HOMER2: variants seen among roughly 807,000 people sequenced by gnomAD.
HOMER2 encodes the protein homer scaffold protein 2.
A neutral mutation model predicts 47.0 loss-of-function variants in HOMER2; 27 were observed. The ratio of observed to expected loss-of-function variants is 0.57; its 90% CI spans 0.42 to 0.79. The LOEUF (loss-of-function observed/expected upper bound fraction) is 0.79, where lower values mean the gene tolerates loss of function less well. Among genes scored for constraint, HOMER2 ranks in the 30% least tolerant of loss-of-function variants. The pLI is 0.00. For synonymous variants in HOMER2, 161 were observed against 163.8 expected, an observed-to-expected ratio of 0.98 and a Z score of 0.13; for missense variants, 443 against 435.0, an observed-to-expected ratio of 1.02 and a Z score of -0.16.
chr15:82,872,363 C>A (rs1318035296), intron 3 of HOMER2, among the ~76,000 whole-genome samples: 1 of 152,120 alleles, frequency 6.6e-6, no homozygotes, highest in African/African-American at 2.4e-5. Context: ...ATCTCTTCTT[C>A]CTCTTCTATT....
downstream of HOMER2, chr15:82,845,138 A>G (rs1279565823): frequency 6.6e-6 from 1 of 152,140 alleles, no homozygotes. Flanking sequence ...AATAGAAAAT[A>G]AAGTCTCCTC....
At chr15:82,859,286 A>G in intron 4 of HOMER2, 151 bp from the exon 5 acceptor site, 3 of 1,043,352 alleles carry the variant, frequency 2.9e-6, no homozygotes, top group Non-Finnish European at 4.2e-6. Flanking sequence ...AGAATGCAGC[A>G]AAGACTAACA....
At position 82,849,448 on chromosome 15, in the gene HOMER2, C is replaced by A; in HGVS notation, c.*267G>T. ...GCCCTTATGAAAGATATAAACATCC[C>A]TGCCCTGACTGCATAAATGTTGAAG... On this transcript the variant is annotated 3_prime_UTR_variant, in exon 9 of 9. Transcript: ENST00000450735. 1 of 493,976 alleles carries A rather than the reference C, an allele frequency of 2.0e-6. No homozygotes were observed. Among genetic ancestry groups the A allele is most frequent in the Non-Finnish European group, 3.6e-6 (1 of 277,526 alleles). The allele number at this position is 493,976 out of a possible 1,614,324, so 30.6% of individuals were successfully genotyped here.
At chr15:82,931,351 A>C (rs1051828336) in intron 1 of HOMER2, among the ~76,000 whole-genome samples, 1 of 152,166 alleles carries the variant, frequency 6.6e-6, no homozygotes, top group Non-Finnish European at 1.5e-5. Context: ...TAATTATTTA[A>C]GGCATGAGGC....
chr15:82,928,940 T>TAAAAAAAAAAAGAAAAAAA (rs2053926504), intron 1 of HOMER2, among the ~76,000 whole-genome samples: 1 of 39,942 alleles, frequency 2.5e-5, no homozygotes, highest in Non-Finnish European at 4.0e-5. Context: ...AAATAAAAAC[T>TAAAAAAAAAAAGAAAAAAA]AAAAAAAAAA....
intron 1 of HOMER2, among the ~76,000 whole-genome samples, chr15:82,959,539 TG>T (rs1427150026): frequency 6.6e-6 from 1 of 152,094 alleles, no homozygotes. Context: ...GCATAGATGG[TG>T]GAAGTATACG....
chr15:82,961,390 G>C (rs957222950), intron 1 of HOMER2, among the ~76,000 whole-genome samples: 2 of 152,216 alleles, frequency 1.3e-5, no homozygotes, highest in African/African-American at 4.8e-5. Flanking sequence ...TTAGAAATTT[G>C]CTTTCAATTA....
intron 4 of HOMER2, 107 bp from the exon 5 acceptor site, chr15:82,859,242 C>A: frequency 6.4e-7 from 1 of 1,552,938 alleles, no homozygotes; most frequent in South Asian, 1.2e-5. Context: ...TAATAAGAAA[C>A]TTTACGAGTG....
chr15:82,872,199 A>G (rs1391765525), intron 3 of HOMER2, among the ~76,000 whole-genome samples: 4 of 152,196 alleles, frequency 2.6e-5, no homozygotes, highest in Middle Eastern at 3.4e-3. Context: ...ACCCCCTCAG[A>G]CAGAGGTTCC....
chr15:82,925,012 T>C (rs1165525541), intron 1 of HOMER2, among the ~76,000 whole-genome samples: 1 of 152,170 alleles, frequency 6.6e-6, no homozygotes, highest in Non-Finnish European at 1.5e-5. Flanking sequence ...CCTACCACTA[T>C]GTTTAGGCTG....
chr15:82,878,327 C>T (rs2052414384), intron 2 of HOMER2, among the ~76,000 whole-genome samples: 1 of 152,168 alleles, frequency 6.6e-6, no homozygotes, highest in Non-Finnish European at 1.5e-5. Context: ...CACTTTTTCA[C>T]AGTCTTTAAC....
chr15:82,984,551 G>C (rs1247355781), intron 1 of HOMER2, among the ~76,000 whole-genome samples: 1 of 152,222 alleles, frequency 6.6e-6, no homozygotes, highest in Non-Finnish European at 1.5e-5. Context: ...GGGCTCCACG[G>C]CTCAGGCCTG....
At chr15:82,950,475 C>A (rs1173506815) in intron 1 of HOMER2, among the ~76,000 whole-genome samples, 1 of 152,066 alleles carries the variant, frequency 6.6e-6, no homozygotes. Context: ...AAAGTTCTTC[C>A]CCCTCCATCC....
intron 1 of HOMER2, among the ~76,000 whole-genome samples, chr15:82,943,689 G>A (rs990766381): frequency 6.6e-5 from 10 of 152,166 alleles, no homozygotes; most frequent in East Asian, 1.9e-4. Context: ...TGTGGATACC[G>A]CCCACCCCAT....
chr15:82,898,165 AAC>A (rs1235137211), intron 1 of HOMER2, among the ~76,000 whole-genome samples: 1 of 152,200 alleles, frequency 6.6e-6, no homozygotes, highest in African/African-American at 2.4e-5. Flanking sequence ...GCAAAATCCA[AAC>A]AGAGACCTCA....
intron 1 of HOMER2, among the ~76,000 whole-genome samples, chr15:82,969,321 A>G (rs1022837141): frequency 6.6e-6 from 1 of 152,232 alleles, no homozygotes; most frequent in African/African-American, 2.4e-5. Context: ...AAAGATGCTT[A>G]CCTAACCTCC....
upstream of HOMER2, among the ~76,000 whole-genome samples, chr15:82,956,239 CAAAAA>C (rs34193575): frequency 1.1e-5 from 1 of 92,024 alleles, no homozygotes; most frequent in Non-Finnish European, 2.1e-5. Flanking sequence ...GACTCCATCT[CAAAAA>C]AAAAAAAAAA....
At chr15:82,873,776 G>A (rs2052252667) in intron 3 of HOMER2, among the ~76,000 whole-genome samples, 1 of 152,192 alleles carries the variant, frequency 6.6e-6, no homozygotes, top group Non-Finnish European at 1.5e-5. Context: ...GAGTCTTCGT[G>A]GAAGTTCCTT....
At chr15:82,909,479 G>A (rs2053390809) in intron 1 of HOMER2, among the ~76,000 whole-genome samples, 1 of 152,116 alleles carries the variant, frequency 6.6e-6, no homozygotes, top group South Asian at 2.1e-4. Flanking sequence ...AGTTTTGGCG[G>A]GAGGGATGGT....
Sources: allele counts gnomAD v4.1 joint callset (sites outside exome capture counted in the v4.1 genomes callset), GRCh38; gene constraint gnomAD v4.1.1; transcripts MANE v1.5; gene names NCBI Gene and HGNC (gene_info 2026-07-23, HGNC 2026-07-21).